DLGAP2: variants seen among roughly 807,000 people sequenced by gnomAD.
DLGAP2 encodes the protein DLG associated protein 2.
Under a neutral mutation model 100.3 loss-of-function variants are expected in DLGAP2, and 26 were observed. The ratio of observed to expected loss-of-function variants is 0.26; its 90% CI spans 0.19 to 0.36. The LOEUF (loss-of-function observed/expected upper bound fraction) is 0.36. Ranked by LOEUF, DLGAP2 falls within the 10% of genes least tolerant of loss-of-function variation. The probability of loss-of-function intolerance (pLI) is 1.00; values close to 1 mark genes in which losing one functional copy is unlikely to be tolerated. For synonymous variants in DLGAP2, 886 were observed against 630.1 expected (o/e 1.41, Z -6.08); for missense variants, 1,858 against 1,453.2 (o/e 1.28, Z -4.53).
intron 3 of DLGAP2, among the ~76,000 whole-genome samples, chr8:1,312,077 C>A (rs565657000): frequency 6.6e-6 from 1 of 152,206 alleles, no homozygotes; most frequent in African/African-American, 2.4e-5. Flanking sequence ...CTGTAGGCTA[C>A]TTCATCCAAC....
At chr8:1,374,359 T>A (rs1802338985) in intron 3 of DLGAP2, among the ~76,000 whole-genome samples, 1 of 151,656 alleles carries the variant, frequency 6.6e-6, no homozygotes, top group South Asian at 2.1e-4. Flanking sequence ...TCGGCACGGG[T>A]CCAGTGACCT....
chr8:1,081,714 G>A (rs1364739944), intron 2 of DLGAP2, among the ~76,000 whole-genome samples: 1 of 152,110 alleles, frequency 6.6e-6, no homozygotes, highest in Non-Finnish European at 1.5e-5. Flanking sequence ...GTTCTTTCAT[G>A]ATTTATTGAG....
rs1187849118 is a variant in DLGAP2 at position 1,165,112 on chromosome 8, C to T, written c.74-93739C>T. ...GTTTCCTTCCCTCTCAGGCCCTGCA[C>T]TTCTGCTGCCAGATAGAGAGAGAGG... On this transcript the variant is annotated intron_variant, in intron 2 of 14. Coordinates refer to ENST00000637795, the MANE Select transcript of DLGAP2 (RefSeq NM_001346810.2). 2.1e-5 allele frequency among the ~76,000 whole-genome samples: 3 copies of T among 143,166 alleles called. No homozygotes were observed. In the Admixed American group the frequency reaches 2.2e-4, roughly 10 times the overall value. The allele number at this position is 143,166 out of a possible 152,430, so 93.9% of individuals were successfully genotyped here.
At chr8:1,388,102 C>T (rs1041731661) in intron 3 of DLGAP2, among the ~76,000 whole-genome samples, 21 of 99,436 alleles carry the variant, frequency 2.1e-4, no homozygotes. Flanking sequence ...GAGCAGAGGC[C>T]GTGGATGGGG....
intron 3 of DLGAP2, among the ~76,000 whole-genome samples, chr8:1,456,168 C>T (rs544311304): frequency 6.6e-6 from 1 of 152,318 alleles, no homozygotes; most frequent in East Asian, 1.9e-4. Context: ...CCACCTCTTT[C>T]CTAAGAAAGC....
At chr8:1,215,480 C>G (rs113142664) in intron 2 of DLGAP2, among the ~76,000 whole-genome samples, 1 of 89,128 alleles carries the variant, frequency 1.1e-5, no homozygotes, top group African/African-American at 5.0e-5. Context: ...GTCCAGGTAC[C>G]TGGATGGGTT....
At chr8:767,937 A>G (rs1585841812) in intron 1 of DLGAP2, among the ~76,000 whole-genome samples, 1 of 152,316 alleles carries the variant, frequency 6.6e-6, no homozygotes, top group South Asian at 2.1e-4. Flanking sequence ...TGGACATTTA[A>G]GCTGTTTTTT....
chr8:1,469,925 G>A (rs1798731938), intron 3 of DLGAP2, among the ~76,000 whole-genome samples: 1 of 151,944 alleles, frequency 6.6e-6, no homozygotes, highest in African/African-American at 2.4e-5. Context: ...GGAGGCTGAG[G>A]CAGGAGGATT....
chr8:1,099,505 C>T (rs1244359506), intron 2 of DLGAP2, among the ~76,000 whole-genome samples: 1 of 152,228 alleles, frequency 6.6e-6, no homozygotes, highest in African/African-American at 2.4e-5. Flanking sequence ...AGTTTCTGGT[C>T]TGTGCTACCA....
intron 6 of DLGAP2, among the ~76,000 whole-genome samples, chr8:1,592,615 G>T (rs1275893159): frequency 1.3e-5 from 2 of 152,084 alleles, no homozygotes; most frequent in African/African-American, 4.8e-5. Context: ...TGCATTACTG[G>T]ACAACTTCTA....
intron 3 of DLGAP2, among the ~76,000 whole-genome samples, chr8:1,443,007 A>C (rs911304192): frequency 3.3e-5 from 5 of 152,260 alleles, no homozygotes; most frequent in African/African-American, 4.8e-5. Flanking sequence ...TTAAGATTTT[A>C]AAATTAACTT....
chr8:1,196,198 G>T (rs1797745871), intron 2 of DLGAP2, among the ~76,000 whole-genome samples: 1 of 152,194 alleles, frequency 6.6e-6, no homozygotes, highest in African/African-American at 2.4e-5. Flanking sequence ...TATGTGTTTT[G>T]TTTGGTAAAA....
At chr8:1,501,455 C>T in intron 4 of DLGAP2, 24 bp downstream of exon 4, 1 of 1,535,214 alleles carries the variant, frequency 6.5e-7, no homozygotes, top group Non-Finnish European at 8.7e-7. Flanking sequence ...GTCAGCCCCG[C>T]TCTGGCGGGG....
intron 8 of DLGAP2, among the ~76,000 whole-genome samples, chr8:1,661,183 T>C (rs1798401182): frequency 6.6e-6 from 1 of 152,216 alleles, no homozygotes; most frequent in Non-Finnish European, 1.5e-5. Context: ...CCTGTTCACG[T>C]TGGAGCCCCA....
chr8:1,013,676 A>T (rs549179036), intron 2 of DLGAP2, among the ~76,000 whole-genome samples: 2,278 of 76,408 alleles, frequency 0.03, 154 homozygotes, highest in African/African-American at 0.18. Flanking sequence ...CCACTGTGTG[A>T]GACCAGGACA....
chr8:892,412 C>T lies in DLGAP2; in HGVS notation c.19-15500C>T, dbSNP rs115117400. On this transcript the variant is annotated intron_variant, in intron 1 of 14. Coordinates refer to ENST00000637795, the MANE Select transcript of DLGAP2 (RefSeq NM_001346810.2). ...GACGAGGCTATGGGGTGGATGAACC[C>T]TGGGGACACTATGCTGAGTGGAATA... Among the ~76,000 whole-genome samples the T allele has an allele frequency of 4.9e-3, 744 of 152,266 alleles. 7 individuals are homozygous for T. Among genetic ancestry groups the T allele is most frequent in the African/African-American group, 0.017 (694 of 41,552 alleles).
intron 2 of DLGAP2, among the ~76,000 whole-genome samples, chr8:1,183,625 C>T (rs7841249): frequency 1.3e-5 from 2 of 152,036 alleles, no homozygotes; most frequent in Non-Finnish European, 2.9e-5. Context: ...AGGGAGGCAC[C>T]GCTCCTGGCT....
intron 2 of DLGAP2, among the ~76,000 whole-genome samples, chr8:1,185,706 C>T (rs1039224170): frequency 9.9e-6 from 1 of 100,644 alleles, no homozygotes; most frequent in Non-Finnish European, 1.8e-5. Context: ...CACACACTCA[C>T]ACTCACACAC....
chr8:949,997 A>T (rs1473394841), intron 2 of DLGAP2, among the ~76,000 whole-genome samples: 1 of 152,186 alleles, frequency 6.6e-6, no homozygotes, highest in African/African-American at 2.4e-5. Flanking sequence ...ACACACAAAG[A>T]GACACTCGGA....
Sources: gnomAD v4.1 joint callset for allele counts (sites outside exome capture counted in the v4.1 genomes callset) on GRCh38, gnomAD v4.1.1 for gene constraint, MANE v1.5 for transcripts, NCBI Gene and HGNC (gene_info 2026-07-23, HGNC 2026-07-21) for gene names.